Variants in TERF1 observed in about 807,000 individuals in gnomAD.
The protein encoded by TERF1 is telomeric repeat-binding factor 1.
Under a neutral mutation model 55.1 loss-of-function variants are expected in TERF1, and 20 were observed. That is an observed-to-expected ratio of 0.36 (90% CI 0.26 to 0.53). TERF1 has a LOEUF of 0.53. Among genes scored for constraint, TERF1 ranks in the 20% least tolerant of loss-of-function variants. The pLI, the probability that TERF1 is intolerant of heterozygous loss-of-function variation, is 0.91. For synonymous variants in TERF1, 168 were observed against 181.2 expected, an observed-to-expected ratio of 0.93 and a Z score of 0.59; for missense variants, 439 against 535.7, an observed-to-expected ratio of 0.82 and a Z score of 1.78.
Position 73,030,411 on chromosome 8 carries a change from G to T in TERF1, c.947+16G>T, listed in dbSNP as rs1251032219. ...CCTTATTGAGGTGAAGTAAATTGAC[G>T]TTTTTCTTCTTTGTCTTTCAAATCT... On this transcript the variant is annotated intron_variant, in intron 7 of 9. Coordinates refer to ENST00000276603, the MANE Select transcript of TERF1 (RefSeq NM_017489.3). 5 of 1,461,400 alleles carry T rather than the reference G, an allele frequency of 3.4e-6. No individual in the cohort carries two copies. Among genetic ancestry groups the T allele is most frequent in the Non-Finnish European group, 4.5e-6 (5 of 1,105,126 alleles). 90.5% of individuals were successfully genotyped at this position (1,461,400 alleles called of 1,614,324 possible). A position where few individuals can be genotyped will look rare whatever the true frequency, so the allele number is the denominator to read the frequency against.
In TERF1 at chr8:73,030,321, TTTC is replaced by T. The variant is rs773427290; in HGVS notation, c.888-9_888-7del. On this transcript the variant is annotated splice_polypyrimidine_tract_variant and intron_variant, in intron 6 of 9. Coordinates refer to ENST00000276603, the MANE Select transcript of TERF1 (RefSeq NM_017489.3). ...CTTTTGTTTACATTCTTACAAATTT[TTTC>T]TTCTTTTAAAGTGTTAGTGACAAAC... The T allele has an allele frequency of 6.5e-7, 1 of 1,534,462 alleles. No individual in the cohort carries two copies. Among genetic ancestry groups the T allele is most frequent in the East Asian group, 2.4e-5 (1 of 41,970 alleles).
chr8:73,023,841 C>T (rs932883223), intron 4 of TERF1, among the ~76,000 whole-genome samples: 1 of 152,168 alleles, frequency 6.6e-6, no homozygotes, highest in Non-Finnish European at 1.5e-5. Context: ...GTACTGCCTG[C>T]CATAACTTCC....
At chr8:73,044,093 T>G (rs1809939149) in intron 9 of TERF1, among the ~76,000 whole-genome samples, 2 of 152,124 alleles carry the variant, frequency 1.3e-5, no homozygotes, top group Non-Finnish European at 2.9e-5. Context: ...CATGAAAAAT[T>G]TATTAATGCA....
chr8:73,045,625 G>A (rs1586075350), intron 9 of TERF1, among the ~76,000 whole-genome samples: 1 of 152,086 alleles, frequency 6.6e-6, no homozygotes, highest in African/African-American at 2.4e-5. Flanking sequence ...GAGATTTGGA[G>A]GATAATAAAT....
intron 1 of TERF1, chr8:73,013,040 C>A: frequency 2.5e-6 from 1 of 396,742 alleles, no homozygotes. Flanking sequence ...TCTGGTGTAG[C>A]ATAAGATTAT....
At chr8:73,034,781 C>CTTT (rs35508751) in intron 8 of TERF1, among the ~76,000 whole-genome samples, 8 of 148,148 alleles carry the variant, frequency 5.4e-5, no homozygotes, top group African/African-American at 7.4e-5. Flanking sequence ...GAGATTAGTG[C>CTTT]TTTTTTTTTT....
intron 8 of TERF1, among the ~76,000 whole-genome samples, chr8:73,036,683 C>T (rs1031325057): frequency 6.6e-6 from 1 of 151,572 alleles, no homozygotes; most frequent in Non-Finnish European, 1.5e-5. Context: ...TAGACCTGTG[C>T]ACCCGCCTAC....
At chr8:73,015,312 C>CTTTTTTTTTTTT in intron 2 of TERF1, among the ~76,000 whole-genome samples, 1 of 131,708 alleles carries the variant, frequency 7.6e-6, no homozygotes, top group Non-Finnish European at 1.6e-5. Context: ...AACCCTTTTG[C>CTTTTTTTTTTTT]TTTTTTTTTT....
chr8:73,037,612 ATATATAT>A (rs1554556823), intron 8 of TERF1, among the ~76,000 whole-genome samples: 206 of 102,690 alleles, frequency 2.0e-3, no homozygotes, highest in African/African-American at 6.7e-3. Flanking sequence ...TAAATTTATT[ATATATAT>A]TATATATTAT....
At position 73,032,060 on chromosome 8, in the gene TERF1, C is replaced by A. The variant is rs536690082; in HGVS notation, c.966C>A (p.Phe322Leu). ...ATTTTAGGTCTCACAAGAATCTTTT[C>A]TTATCTAAGTTGCAACATGGAACCC... ...VSLLRSHKNL[F>L]LSKLQHGTQQ... is the part of the protein sequence containing the mutation. The change falls in exon 8 of 10, where the codon TTC becomes TTA. Residue 322 changes from phenylalanine (F) to leucine (L), a missense_variant. This residue lies in a region of TERF1 where 140 missense variants were observed against 158.6 expected (regional missense o/e 0.88). Transcript: ENST00000276603. 5 of 1,610,134 alleles carry A rather than the reference C, an allele frequency of 3.1e-6. No homozygotes were observed. Among genetic ancestry groups the A allele is most frequent in the Middle Eastern group, 3.7e-4 (2 of 5,426 alleles).
At chr8:73,028,551 A>G (rs1809125182) in intron 6 of TERF1, among the ~76,000 whole-genome samples, 1 of 147,824 alleles carries the variant, frequency 6.8e-6, no homozygotes, top group Non-Finnish European at 1.5e-5. Flanking sequence ...GGCATGGCTT[A>G]TAAAGCCTTA....
chr8:73,043,854 A>G (rs528279999), intron 9 of TERF1, among the ~76,000 whole-genome samples: 1 of 152,322 alleles, frequency 6.6e-6, no homozygotes, highest in South Asian at 2.1e-4. Flanking sequence ...TAAACCACAA[A>G]CTACTTTTTA....
rs570414303 is a variant in TERF1 at position 73,024,993 on chromosome 8, G to A, written c.774+22G>A. 53 of 1,400,760 alleles carry A rather than the reference G, an allele frequency of 3.8e-5. No homozygotes were observed. The Middle Eastern group carries it at 9.0e-4, about 24-fold the overall frequency. The allele number at this position is 1,400,760 out of a possible 1,614,324, so 86.8% of individuals were successfully genotyped here. On this transcript the variant is annotated intron_variant, in intron 5 of 9. Transcript: ENST00000276603. ...GAAGGTATACATATTATTCAAGAGT[G>A]ACTAATAATAGACTTAAAGGAAACG...
chr8:73,040,277 G>A (rs1482071463), intron 9 of TERF1, among the ~76,000 whole-genome samples: 1 of 152,128 alleles, frequency 6.6e-6, no homozygotes. Context: ...TTTAGGGGGT[G>A]TACCTCAGGG....
chr8:73,045,952 T>TA lies in TERF1; in HGVS notation c.1144-8dup, dbSNP rs1295415518. On this transcript the variant is annotated splice_polypyrimidine_tract_variant and intron_variant, in intron 9 of 9. Transcript: ENST00000276603. ...TTCTGTAAATAACTGTTTTACTTTT[T>TA]ATCAAAAGGCATGGCTTTGGGAAGA... The TA allele has an allele frequency of 2.0e-6, 3 of 1,526,660 alleles. No homozygotes were observed. Among genetic ancestry groups the TA allele is most frequent in the Middle Eastern group, 1.8e-4 (1 of 5,704 alleles). 94.6% of individuals were successfully genotyped at this position (1,526,660 alleles called of 1,614,324 possible).
At chr8:73,013,251 T>C (rs998319581) in intron 1 of TERF1, among the ~76,000 whole-genome samples, 1 of 152,170 alleles carries the variant, frequency 6.6e-6, no homozygotes, top group African/African-American at 2.4e-5. Flanking sequence ...CCCTGACACC[T>C]CCTCTGTGCA....
intron 2 of TERF1, among the ~76,000 whole-genome samples, chr8:73,017,067 A>G (rs1040097123): frequency 5.3e-5 from 8 of 152,184 alleles, no homozygotes; most frequent in Admixed American, 5.2e-4. Context: ...TTGCTGCAGT[A>G]TACTACATCC....
chr8:73,022,297 CAT>C lies in TERF1; in HGVS notation c.622_623del (p.Met208AlafsTer33), dbSNP rs1220699867. 3 of 1,556,446 alleles carry C rather than the reference CAT, an allele frequency of 1.9e-6. No individual in the cohort carries two copies. Among genetic ancestry groups the C allele is most frequent in the Non-Finnish European group, 2.6e-6 (3 of 1,147,976 alleles). ...FERIFGDPNS[H>X]MPFKSKLLMI... is the part of the protein sequence containing the mutation. ...AAGAATATTTGGTGATCCAAATTCTCATATGGTAATTATTTAAATTAAAACCA... is the reference window on the plus strand; with the variant it reads ...AAGAATATTTGGTGATCCAAATTCTCATGGTAATTATTTAAATTAAAACCA... On this transcript the variant is annotated frameshift_variant, in exon 4 of 10. Transcript: ENST00000276603. LOFTEE classifies it high-confidence loss of function.
chr8:73,042,954 C>G, intron 9 of TERF1: 1 of 152,168 alleles, frequency 6.6e-6, no homozygotes, highest in Non-Finnish European at 1.5e-5. Flanking sequence ...ATCTTAAACT[C>G]TTCCCTTAAT....
Sources: gnomAD v4.1 joint callset for allele counts (sites outside exome capture counted in the v4.1 genomes callset) on GRCh38, gnomAD v4.1.1 for gene constraint, gnomAD v4.1.1 regional missense constraint, MANE v1.5 for transcripts, NCBI Gene and HGNC (gene_info 2026-07-23, HGNC 2026-07-21) for gene names.